The following PTPRU variants were observed in gnomAD, a reference collection of about 807,000 sequenced individuals.
The protein encoded by PTPRU is protein tyrosine phosphatase receptor type U, also known as receptor-type tyrosine-protein phosphatase U.
A neutral mutation model predicts 166.3 loss-of-function variants in PTPRU; 69 were observed. That is an observed-to-expected ratio of 0.41 (90% CI 0.34 to 0.51). PTPRU has a LOEUF of 0.51. PTPRU is among the 20% of genes least tolerant of loss of function. The pLI is 0.09. For missense variants in PTPRU, 1,657 were observed against 2,013.7 expected (o/e 0.82, Z 3.39); for synonymous variants, 793 against 814.0 (o/e 0.97, Z 0.44).
intron 7 of PTPRU, among the ~76,000 whole-genome samples, chr1:29,265,280 A>G (rs184440546): frequency 1.3e-5 from 2 of 151,954 alleles, no homozygotes; most frequent in Admixed American, 6.6e-5. Flanking sequence ...TTTATTTTGG[A>G]CTTCCTGAGA....
At chr1:29,282,342 G>A (rs542755562) in intron 11 of PTPRU, among the ~76,000 whole-genome samples, 8 of 152,306 alleles carry the variant, frequency 5.3e-5, no homozygotes, top group African/African-American at 1.9e-4. Flanking sequence ...GAGGAAGCAG[G>A]CTGGGGCCTT....
intron 16 of PTPRU, 145 bp downstream of exon 16, chr1:29,304,190 G>T (rs1687276764): frequency 1.0e-6 from 1 of 954,544 alleles, no homozygotes; most frequent in Non-Finnish European, 1.5e-6. Flanking sequence ...TTTTGACCTC[G>T]ACTCTGACCC....
Position 29,311,210 on chromosome 1 carries a change from G to C in PTPRU, c.2858-246G>C, listed in dbSNP as rs1293750898. On this transcript the variant is annotated intron_variant, in intron 19 of 29. Coordinates refer to ENST00000373779, the MANE Select transcript of PTPRU (RefSeq NM_133178.4). The surrounding 1 kb of genome is among the most constrained non-coding windows in gnomAD (Gnocchi z 4.1). ...CACTCATGCCATTGCCCAACCATCT[G>C]GTCCTCCTCCAGGGTCCCATTCAGG... The C allele has an allele frequency of 5.1e-6, 3 of 590,810 alleles. No homozygotes were observed. In the African/African-American group the frequency reaches 5.6e-5, roughly 11 times the overall value. The allele number at this position is 590,810 out of a possible 1,614,324, so 36.6% of individuals were successfully genotyped here.
intron 8 of PTPRU, among the ~76,000 whole-genome samples, chr1:29,277,810 T>TA (rs1297883475): frequency 1.4e-4 from 8 of 57,070 alleles, no homozygotes; most frequent in African/African-American, 3.3e-4. Context: ...ATTCTTTTTT[T>TA]TTTTTTTTTT....
At position 29,323,792 on chromosome 1, in the gene PTPRU, A is replaced by G. The variant is rs1688276835; in HGVS notation, c.4112+4A>G. ...GGCGCACCATCGTGCACTGCCTGTGAGTACCTGCCCTGTGGGAGGGCGGGT... is the reference window on the plus strand; with the variant it reads ...GGCGCACCATCGTGCACTGCCTGTGGGTACCTGCCCTGTGGGAGGGCGGGT... On this transcript the variant is annotated splice_donor_region_variant and intron_variant, in intron 28 of 29. Transcript: ENST00000373779. 1 of 1,613,820 alleles carries G rather than the reference A, an allele frequency of 6.2e-7. No homozygotes were observed. Among genetic ancestry groups the G allele is most frequent in the Non-Finnish European group, 8.5e-7 (1 of 1,179,818 alleles).
chr1:29,296,194 C>T (rs1686874625), intron 15 of PTPRU, among the ~76,000 whole-genome samples: 1 of 152,106 alleles, frequency 6.6e-6, no homozygotes, highest in South Asian at 2.1e-4. Flanking sequence ...AGCTGGAATC[C>T]TTGTCTTCTT....
At chr1:29,255,223 C>A (rs1173585656) in intron 1 of PTPRU, 52 bp from the exon 2 acceptor site, 2 of 1,585,188 alleles carry the variant, frequency 1.3e-6, no homozygotes, top group Non-Finnish European at 1.7e-6. Flanking sequence ...CAGGAGCCCT[C>A]CTGGCCAGCA....
At position 29,315,357 on chromosome 1, in the gene PTPRU, C is replaced by T. The variant is rs544582811; in HGVS notation, c.3228-15C>T. On this transcript the variant is annotated splice_polypyrimidine_tract_variant and intron_variant, in intron 22 of 29. Transcript: ENST00000373779. The surrounding 1 kb of genome is among the most constrained non-coding windows in gnomAD (Gnocchi z 4.5). ...CCCAAAGCTCTGACCTGGTCTGGGG[C>T]TGCTCTCTCTCCAGCGCGGGCACCG... 14 of 1,613,972 alleles carry T rather than the reference C, an allele frequency of 8.7e-6. No homozygotes were observed. Among genetic ancestry groups the T allele is most frequent in the East Asian group, 2.2e-5 (1 of 44,882 alleles).
rs1249121065 is a variant in PTPRU, at chr1:29,326,548, CA to C, written c.*888del. 2 of 152,646 alleles carry C rather than the reference CA, an allele frequency of 1.3e-5. No individual in the cohort carries two copies. The highest frequency in any genetic ancestry group is 4.8e-5 in the African/African-American group (2 of 41,448). 9.5% of individuals were successfully genotyped at this position (152,646 alleles called of 1,614,324 possible). ...GTTGTGGGGAGGGGCAGTGTTAGAG[CA>C]GGGCTGGTCATACCCTCTGGAGTTC... is the stretch of plus-strand genomic sequence containing the variant. On this transcript the variant is annotated 3_prime_UTR_variant, in exon 30 of 30. Transcript: ENST00000373779.
In PTPRU at chr1:29,311,768, C is replaced by T; in HGVS notation, c.3072+9C>T. 1 of 1,610,200 alleles carries T rather than the reference C, an allele frequency of 6.2e-7. No homozygotes were observed. The highest frequency in any genetic ancestry group is 1.1e-5 in the South Asian group (1 of 90,766). ...CTTTTGCCCTGGAGCGGGTGAGTCT[C>T]CCCACCGCCTGTTCCCTGCAGAGGG... is the stretch of plus-strand genomic sequence containing the variant. On this transcript the variant is annotated intron_variant, in intron 21 of 29. Coordinates refer to ENST00000373779, the MANE Select transcript of PTPRU (RefSeq NM_133178.4). The surrounding 1 kb of genome is among the most constrained non-coding windows in gnomAD (Gnocchi z 4.1).
intron 18 of PTPRU, among the ~76,000 whole-genome samples, chr1:29,305,809 G>A (rs959764416): frequency 1.3e-5 from 2 of 152,190 alleles, no homozygotes; most frequent in East Asian, 1.9e-4. Context: ...GCTCAGGAGT[G>A]GGGGCTTTTT....
At chr1:29,284,008 C>A in intron 13 of PTPRU, 32 bp downstream of exon 13, 1 of 1,612,432 alleles carries the variant, frequency 6.2e-7, no homozygotes, top group South Asian at 1.1e-5. Context: ...AGCCTTTCAG[C>A]GGCAGGTTTC....
In PTPRU at chr1:29,259,859, C is replaced by T; in HGVS notation, c.676-11C>T. The T allele has an allele frequency of 6.5e-7, 1 of 1,527,458 alleles. No individual in the cohort carries two copies. Among genetic ancestry groups the T allele is most frequent in the Non-Finnish European group, 8.7e-7 (1 of 1,143,630 alleles). 94.6% of individuals were successfully genotyped at this position (1,527,458 alleles called of 1,614,324 possible). On this transcript the variant is annotated splice_polypyrimidine_tract_variant and intron_variant, in intron 5 of 29. Transcript: ENST00000373779. ...GAGGCGCCCCTGACCCCCTCACTCT[C>T]TTCCCTGCAGCGGCAGAGCGGGGCG...
chr1:29,319,305 C>T (rs1342100668), intron 25 of PTPRU, among the ~76,000 whole-genome samples: 1 of 151,016 alleles, frequency 6.6e-6, no homozygotes, highest in Non-Finnish European at 1.5e-5. Flanking sequence ...CATTGGGGGC[C>T]TGGAAAGGAG....
At chr1:29,283,478 C>G (rs1295524663) in intron 12 of PTPRU, among the ~76,000 whole-genome samples, 1 of 152,126 alleles carries the variant, frequency 6.6e-6, no homozygotes, top group Non-Finnish European at 1.5e-5. Flanking sequence ...GAGGCCCTGC[C>G]TTCTATCTTA....
intron 15 of PTPRU, among the ~76,000 whole-genome samples, chr1:29,293,918 G>T (rs185294100): frequency 6.6e-6 from 1 of 152,346 alleles, no homozygotes; most frequent in Admixed American, 6.5e-5. Flanking sequence ...ATGTTTTGCT[G>T]CAGTTCATTT....
intron 1 of PTPRU, 115 bp from the exon 2 acceptor site, chr1:29,255,160 G>A: frequency 7.8e-7 from 1 of 1,273,912 alleles, no homozygotes; most frequent in East Asian, 2.6e-5. Context: ...AGGGCCTGAA[G>A]AGAGGGAGGA....
At chr1:29,318,772 A>G (rs1325137503) in intron 25 of PTPRU, among the ~76,000 whole-genome samples, 1 of 152,188 alleles carries the variant, frequency 6.6e-6, no homozygotes, top group Admixed American at 6.5e-5. Context: ...ACACTTTCCA[A>G]GGGTAGGCTG....
At chr1:29,307,170 C>T (rs368737090) in intron 18 of PTPRU, 251 of 1,608,564 alleles carry the variant, frequency 1.6e-4, no homozygotes, top group Non-Finnish European at 2.0e-4. Flanking sequence ...TCCCCTTCTC[C>T]TCCTCCTCCT....
Sources: allele counts gnomAD v4.1 joint callset (sites outside exome capture counted in the v4.1 genomes callset), GRCh38; gene constraint gnomAD v4.1.1; non-coding constraint Gnocchi (gnomAD v3.1); transcripts MANE v1.5; gene names NCBI Gene and HGNC (gene_info 2026-07-23, HGNC 2026-07-21).